Variants in PYROXD1 observed in about 807,000 individuals in gnomAD.
PYROXD1 encodes the protein tRNA ligase complex-associated NAD(P)H dehydrogenase PYROXD1.
A neutral mutation model predicts 62.0 loss-of-function variants in PYROXD1; 42 were observed. The ratio of observed to expected loss-of-function variants is 0.68; its 90% CI spans 0.53 to 0.88. PYROXD1 has a LOEUF of 0.88. Ranked by LOEUF, PYROXD1 falls within the 40% of genes least tolerant of loss-of-function variation. PYROXD1 has a pLI of 0.00. For missense variants in PYROXD1, 493 were observed against 604.8 expected (o/e 0.82, Z 1.94); for synonymous variants, 170 against 206.4 (o/e 0.82, Z 1.51).
intron 5 of PYROXD1, among the ~76,000 whole-genome samples, chr12:21,452,855 A>T (rs1414824864): frequency 6.6e-6 from 1 of 151,716 alleles, no homozygotes; most frequent in African/African-American, 2.4e-5. Flanking sequence ...TTGAATCAAA[A>T]TAAGGACTCT....
intron 11 of PYROXD1, 49 bp downstream of exon 11, chr12:21,467,667 AC>A: frequency 7.4e-7 from 1 of 1,347,362 alleles, no homozygotes; most frequent in Non-Finnish European, 1.0e-6. Flanking sequence ...TAGTCTTATG[AC>A]TATGATAAAT....
At chr12:21,457,494 A>G (rs528025815) in intron 7 of PYROXD1, among the ~76,000 whole-genome samples, 24 of 151,238 alleles carry the variant, frequency 1.6e-4, no homozygotes, top group Admixed American at 4.0e-4. Flanking sequence ...TCAGTAAACT[A>G]TGTAAACAGA....
At chr12:21,466,933 A>G (rs1477519941) in intron 10 of PYROXD1, among the ~76,000 whole-genome samples, 1 of 152,156 alleles carries the variant, frequency 6.6e-6, no homozygotes, top group African/African-American at 2.4e-5. Flanking sequence ...ATAGAAATAA[A>G]ATAAAAATAC....
intron 3 of PYROXD1, among the ~76,000 whole-genome samples, chr12:21,445,706 G>A (rs149686285): frequency 3.9e-4 from 60 of 152,304 alleles, no homozygotes; most frequent in Non-Finnish European, 7.8e-4. Context: ...TTTATAAAGT[G>A]TCCACTGTGT....
At position 21,470,484 on chromosome 12, in the gene PYROXD1, C is replaced by G. The variant is rs974141250; in HGVS notation, c.*1730C>G. 9.8e-6 allele frequency: 10 copies of G among 1,022,436 alleles called. No individual in the cohort carries two copies. Among genetic ancestry groups the G allele is most frequent in the Non-Finnish European group, 1.4e-5 (10 of 739,690 alleles). The allele number at this position is 1,022,436 out of a possible 1,614,324, so 63.3% of individuals were successfully genotyped here. On this transcript the variant is annotated 3_prime_UTR_variant, in exon 12 of 12. Coordinates refer to ENST00000240651, the MANE Select transcript of PYROXD1 (RefSeq NM_024854.5). ...AGTATACAGGGGTCTAGTTTTTTATCTACAAATTTCTATTCAAATATGAGC... is the reference window on the plus strand; with the variant it reads ...AGTATACAGGGGTCTAGTTTTTTATGTACAAATTTCTATTCAAATATGAGC...
At chr12:21,457,628 G>T (rs981699660) in intron 7 of PYROXD1, among the ~76,000 whole-genome samples, 4 of 152,052 alleles carry the variant, frequency 2.6e-5, no homozygotes, top group Non-Finnish European at 5.9e-5. Flanking sequence ...CATGACTGGG[G>T]AGGCCTCAGG....
At chr12:21,440,715 A>C (rs183208320) in intron 2 of PYROXD1, among the ~76,000 whole-genome samples, 1 of 152,288 alleles carries the variant, frequency 6.6e-6, no homozygotes, top group Admixed American at 6.5e-5. Context: ...GTTGAATAGA[A>C]GTTGTGAGAG....
At position 21,470,265 on chromosome 12, in the gene PYROXD1, C is replaced by G; in HGVS notation, c.*1511C>G. On this transcript the variant is annotated 3_prime_UTR_variant, in exon 12 of 12. Transcript: ENST00000240651. ...CCAGATTGCTGAAGCATGTTTGCAG[C>G]CTTCTTCTGGAAGTTGCCTGAATTT... 4 of 1,608,872 alleles carry G rather than the reference C, an allele frequency of 2.5e-6. No individual in the cohort carries two copies. In the South Asian group the frequency reaches 4.4e-5, roughly 18 times the overall value.
chr12:21,458,529 T>C (rs1309204163), intron 7 of PYROXD1, among the ~76,000 whole-genome samples: 4 of 152,234 alleles, frequency 2.6e-5, no homozygotes, highest in Non-Finnish European at 4.4e-5. Context: ...GAGGCCTGGC[T>C]TTCCATGTGC....
At chr12:21,462,603 A>T in intron 9 of PYROXD1, 137 bp from the exon 10 acceptor site, 1 of 945,592 alleles carries the variant, frequency 1.1e-6, no homozygotes, top group South Asian at 1.5e-5. Flanking sequence ...AGGTGTCTAA[A>T]CTTTGCTGAT....
At chr12:21,454,878 T>A (rs1008489576) in intron 5 of PYROXD1, 18 of 250,640 alleles carry the variant, frequency 7.2e-5, no homozygotes, top group African/African-American at 3.6e-4. Context: ...TAATGAAATT[T>A]TACTTGATAT....
chr12:21,452,155 G>A lies in PYROXD1; in HGVS notation c.488+1G>A. 6.6e-7 allele frequency: 1 copy of A among 1,517,538 alleles called. No individual in the cohort carries two copies. The highest frequency in any genetic ancestry group is 8.9e-7 in the Non-Finnish European group (1 of 1,121,952). 94.0% of individuals were successfully genotyped at this position (1,517,538 alleles called of 1,614,324 possible). A position where few individuals can be genotyped will look rare whatever the true frequency, so the allele number is the denominator to read the frequency against. On this transcript the variant is annotated splice_donor_variant, in intron 5 of 11. Coordinates refer to ENST00000240651, the MANE Select transcript of PYROXD1 (RefSeq NM_024854.5). LOFTEE classifies it high-confidence loss of function. ...ACGGTGGTATTGCACTTGAGTTAGT[G>A]TAAGTATATATTTTTAAATATGATA...
intron 2 of PYROXD1, among the ~76,000 whole-genome samples, chr12:21,443,612 A>G (rs1331108096): frequency 1.3e-5 from 2 of 152,202 alleles, no homozygotes; most frequent in Non-Finnish European, 2.9e-5. Context: ...CAGAACTACA[A>G]TTATAAATGT....
At chr12:21,455,420 A>G (rs951302600) in intron 6 of PYROXD1, 128 bp downstream of exon 6, 7 of 378,822 alleles carry the variant, frequency 1.8e-5, no homozygotes, top group Non-Finnish European at 3.2e-5. Flanking sequence ...ATATCTTTAC[A>G]TGAAGTTTTC....
intron 10 of PYROXD1, among the ~76,000 whole-genome samples, chr12:21,466,456 T>G (rs1341097099): frequency 1.3e-5 from 2 of 152,154 alleles, no homozygotes; most frequent in East Asian, 3.9e-4. Flanking sequence ...ACTCATGATT[T>G]GGCTCTGTTT....
chr12:21,464,845 G>A (rs1027425683), intron 10 of PYROXD1, among the ~76,000 whole-genome samples: 7 of 152,056 alleles, frequency 4.6e-5, no homozygotes, highest in African/African-American at 1.7e-4. Flanking sequence ...AGAGTCCCCG[G>A]TGTGTGATGT....
chr12:21,461,000 C>T (rs765643935), intron 7 of PYROXD1, 25 bp from the exon 8 acceptor site: 15 of 1,435,460 alleles, frequency 1.0e-5, no homozygotes, highest in Non-Finnish European at 1.3e-5. Context: ...AAGTATTATG[C>T]TAACCAGTAT....
intron 1 of PYROXD1, chr12:21,438,653 C>T (rs568001036): frequency 6.9e-4 from 105 of 152,320 alleles, no homozygotes; most frequent in African/African-American, 2.4e-3. Flanking sequence ...CTTGATTATA[C>T]TGAATAGCCA....
At chr12:21,453,465 A>C (rs761245586) in intron 5 of PYROXD1, among the ~76,000 whole-genome samples, 1 of 151,746 alleles carries the variant, frequency 6.6e-6, no homozygotes, top group Non-Finnish European at 1.5e-5. Context: ...ACTAATACTA[A>C]TGTTCTTCAT....
Sources: gnomAD v4.1 joint callset for allele counts (sites outside exome capture counted in the v4.1 genomes callset) on GRCh38, gnomAD v4.1.1 for gene constraint, MANE v1.5 for transcripts, NCBI Gene and HGNC (gene_info 2026-07-23, HGNC 2026-07-21) for gene names.